Variants in N4BP1 observed in about 807,000 individuals in gnomAD.
N4BP1 encodes NEDD4-binding protein 1.
A neutral mutation model predicts 70.9 loss-of-function variants in N4BP1; 21 were observed. The observed-to-expected ratio is 0.30, with a 90% CI of 0.21 to 0.43. N4BP1 has a LOEUF of 0.43. Among genes scored for constraint, N4BP1 ranks in the 20% least tolerant of loss-of-function variants. N4BP1 has a pLI of 1.00. For missense variants in N4BP1, 936 were observed against 1,069.4 expected (o/e 0.88, Z 1.74); for synonymous variants, 387 against 394.6 (o/e 0.98, Z 0.23).
intron 1 of N4BP1, among the ~76,000 whole-genome samples, chr16:48,578,686 C>G (rs1716490223): frequency 6.6e-6 from 1 of 152,214 alleles, no homozygotes; most frequent in Non-Finnish European, 1.5e-5. Context: ...TTCTAAAGCT[C>G]TTCATCGTGT....
intron 1 of N4BP1, among the ~76,000 whole-genome samples, chr16:48,604,979 C>A (rs1043247354): frequency 5.9e-5 from 9 of 152,140 alleles, no homozygotes; most frequent in African/African-American, 2.2e-4. Context: ...AGGTTCCCTG[C>A]CTGGTCCCAG....
chr16:48,595,734 A>T (rs1449385700), intron 1 of N4BP1, among the ~76,000 whole-genome samples: 5 of 152,196 alleles, frequency 3.3e-5, no homozygotes, highest in Non-Finnish European at 7.4e-5. Flanking sequence ...TCCTTTAAGG[A>T]ATCAAACTTG....
At chr16:48,576,819 T>C (rs1291817421) in intron 1 of N4BP1, among the ~76,000 whole-genome samples, 1 of 152,216 alleles carries the variant, frequency 6.6e-6, no homozygotes, top group Non-Finnish European at 1.5e-5. Context: ...ACAAACACGC[T>C]TGGATTTCCC....
chr16:48,585,355 G>C (rs1964228948), intron 1 of N4BP1, among the ~76,000 whole-genome samples: 1 of 151,418 alleles, frequency 6.6e-6, no homozygotes, highest in African/African-American at 2.4e-5. Context: ...TATAAAATTT[G>C]GCCCAGTGTG....
In N4BP1 at chr16:48,561,095, G is replaced by T. The variant is rs777494772; in HGVS notation, c.1548C>A (p.Pro516=). ...FVSRGASSHQ[P]RVPLFPENGL... is the part of the protein sequence containing the mutation. Reference sequence around the variant, plus strand: ...CATTTTCAGGAAAAAGTGGAACTCTGGGCTGGTGACTTGAAGCTCCCCTTG... The same window carrying T: ...CATTTTCAGGAAAAAGTGGAACTCTTGGCTGGTGACTTGAAGCTCCCCTTG... Residue 516 remains proline (P), a synonymous_variant, in exon 2 of 7, where the codon CCC becomes CCA. Transcript: ENST00000262384. The T allele has an allele frequency of 1.2e-5, 19 of 1,613,878 alleles. No individual in the cohort carries two copies. In the Admixed American group the frequency reaches 3.2e-4, roughly 27 times the overall value.
intron 1 of N4BP1, among the ~76,000 whole-genome samples, chr16:48,585,883 A>T (rs1469868593): frequency 6.6e-6 from 1 of 152,056 alleles, no homozygotes; most frequent in Non-Finnish European, 1.5e-5. Flanking sequence ...TTTAGTAGAG[A>T]TGAGGTTTCA....
At chr16:48,586,398 T>C (rs1377717738) in intron 1 of N4BP1, among the ~76,000 whole-genome samples, 1 of 152,222 alleles carries the variant, frequency 6.6e-6, no homozygotes, top group African/African-American at 2.4e-5. Flanking sequence ...GCAAAACACT[T>C]TCTTAATCTA....
At chr16:48,603,497 A>T (rs1410932675) in intron 1 of N4BP1, among the ~76,000 whole-genome samples, 1 of 151,416 alleles carries the variant, frequency 6.6e-6, no homozygotes, top group African/African-American at 2.4e-5. Flanking sequence ...ACTTCCAATT[A>T]CTTCTTTTAT....
At chr16:48,563,297 G>A (rs1344544592) in intron 1 of N4BP1, among the ~76,000 whole-genome samples, 1 of 152,040 alleles carries the variant, frequency 6.6e-6, no homozygotes, top group East Asian at 1.9e-4. Context: ...TGAGGCTGCA[G>A]TAAGCTGAGA....
rs773756441 is a variant in N4BP1 at position 48,561,499 on chromosome 16, C to G, written c.1144G>C (p.Glu382Gln). Reference sequence around the variant, plus strand: ...CTTTTATTTTCTTTTTCAATTTCCTCTAAGAGCAATAATGGTTCAGTAGAT... The same window carrying G: ...CTTTTATTTTCTTTTTCAATTTCCTGTAAGAGCAATAATGGTTCAGTAGAT... ...GPSTEPLLLL[E>Q]EIEKENKRFQ... Residue 382 changes from glutamate (E) to glutamine (Q), a missense_variant, in exon 2 of 7, where the codon GAG becomes CAG. This residue lies in a region of N4BP1 where 515 missense variants were observed against 491.7 expected (regional missense o/e 1.05). Transcript: ENST00000262384. 1 of 1,612,740 alleles carries G rather than the reference C, an allele frequency of 6.2e-7. No homozygotes were observed. The highest frequency in any genetic ancestry group is 8.5e-7 in the Non-Finnish European group (1 of 1,179,630).
At chr16:48,563,995 T>C (rs926119498) in intron 1 of N4BP1, among the ~76,000 whole-genome samples, 3 of 152,234 alleles carry the variant, frequency 2.0e-5, no homozygotes, top group Non-Finnish European at 4.4e-5. Context: ...CTAGAATTTA[T>C]TCTCCCCAGG....
At chr16:48,601,536 T>TA (rs902892910) in intron 1 of N4BP1, among the ~76,000 whole-genome samples, 1 of 151,950 alleles carries the variant, frequency 6.6e-6, no homozygotes, top group African/African-American at 2.4e-5. Flanking sequence ...GACTGGTAGG[T>TA]AGGTAATTTC....
chr16:48,586,934 C>A (rs1964254450), intron 1 of N4BP1, among the ~76,000 whole-genome samples: 1 of 152,040 alleles, frequency 6.6e-6, no homozygotes, highest in Admixed American at 6.6e-5. Context: ...CTTGTCAATG[C>A]CCACAATATG....
intron 1 of N4BP1, among the ~76,000 whole-genome samples, chr16:48,581,844 T>A (rs1483655809): frequency 1.3e-5 from 2 of 152,108 alleles, no homozygotes; most frequent in Non-Finnish European, 2.9e-5. Context: ...CTCCAAACTA[T>A]GAAACTACTA....
intron 5 of N4BP1, chr16:48,546,584 CAGCTT>C (rs1963594922): frequency 5.2e-6 from 1 of 191,506 alleles, no homozygotes; most frequent in African/African-American, 2.3e-5. Context: ...TAAAGACTGT[CAGCTT>C]AGGACACAAA....
chr16:48,560,991 G>T lies in N4BP1; in HGVS notation c.1652C>A (p.Ser551Tyr). The T allele has an allele frequency of 6.2e-7, 1 of 1,613,978 alleles. No homozygotes were observed. Among genetic ancestry groups the T allele is most frequent in the Non-Finnish European group, 8.5e-7 (1 of 1,179,874 alleles). ...TGAGCAATTTGGCTTAGAATGAGGA[G>T]AACTACAACATCCTAAACGTTTTTC... ...ACEKRLGCCS[S>Y]PHSKPNCSTL... The change falls in exon 2 of 7, where the codon TCT (serine) becomes TAT (tyrosine). Residue 551 changes from serine (S) to tyrosine (Y), a missense_variant. Ser to Tyr is a moderately radical substitution (Grantham distance 144). Coordinates refer to ENST00000262384, the MANE Select transcript of N4BP1 (RefSeq NM_153029.4).
At chr16:48,595,229 A>AG (rs1964392595) in intron 1 of N4BP1, among the ~76,000 whole-genome samples, 1 of 152,144 alleles carries the variant, frequency 6.6e-6, no homozygotes, top group African/African-American at 2.4e-5. Context: ...TGGGAGGCTG[A>AG]GGCGGGTGGA....
At chr16:48,558,935 A>G (rs1963801276) in intron 2 of N4BP1, among the ~76,000 whole-genome samples, 1 of 149,800 alleles carries the variant, frequency 6.7e-6, no homozygotes, top group African/African-American at 2.5e-5. Flanking sequence ...ATCTGAAATG[A>G]TGACATTTTC....
intron 1 of N4BP1, among the ~76,000 whole-genome samples, chr16:48,579,306 G>T (rs963897925): frequency 6.6e-6 from 1 of 152,138 alleles, no homozygotes; most frequent in Non-Finnish European, 1.5e-5. Context: ...GGCCAAAAAG[G>T]GGGGAAGGGA....
Sources: allele counts gnomAD v4.1 joint callset (sites outside exome capture counted in the v4.1 genomes callset), GRCh38; gene constraint gnomAD v4.1.1; regional missense constraint gnomAD v4.1.1; transcripts MANE v1.5; gene names NCBI Gene and HGNC (gene_info 2026-07-23, HGNC 2026-07-21).